The following KHDRBS3 variants were observed in gnomAD, a reference collection of about 807,000 sequenced individuals.
KHDRBS3 encodes KH RNA binding domain containing, signal transduction associated 3, also known as KH domain-containing, RNA-binding, signal transduction-associated protein 3.
Under a neutral mutation model 45.6 loss-of-function variants are expected in KHDRBS3, and 23 were observed. The ratio of observed to expected loss-of-function variants is 0.50; its 90% CI spans 0.36 to 0.72. KHDRBS3 has a LOEUF of 0.72. Among genes scored for constraint, KHDRBS3 ranks in the 30% least tolerant of loss-of-function variants. KHDRBS3 has a pLI of 0.00. For synonymous variants in KHDRBS3, 162 were observed against 156.5 expected (o/e 1.04, Z -0.26); for missense variants, 352 against 424.8 (o/e 0.83, Z 1.51).
intron 5 of KHDRBS3, among the ~76,000 whole-genome samples, chr8:135,559,179 C>A (rs536546923): frequency 1.3e-5 from 2 of 151,660 alleles, no homozygotes; most frequent in South Asian, 2.1e-4. Flanking sequence ...CTAGAAATTT[C>A]TTTTTCTAGA....
At chr8:135,619,126 G>C (rs1830035785) in intron 7 of KHDRBS3, among the ~76,000 whole-genome samples, 1 of 152,104 alleles carries the variant, frequency 6.6e-6, no homozygotes, top group Non-Finnish European at 1.5e-5. Context: ...TTTGTTCAGT[G>C]TTCTGTAAAG....
Position 135,457,911 on chromosome 8 carries a change from C to T in KHDRBS3, c.45C>T (p.Ser15=), listed in dbSNP as rs759574548. The T allele has an allele frequency of 6.2e-7, 1 of 1,603,252 alleles. No individual in the cohort carries two copies. The highest frequency in any genetic ancestry group is 1.1e-5 in the South Asian group (1 of 89,468). The stretch of plus-strand genomic sequence containing the variant: ...CCGAGCTGATGGCGGAGAAGGACTC[C>T]CTGGACCCCTCCTTCACGCACGCCC... ...YLPELMAEKD[S]LDPSFTHALR... The change falls in exon 1 of 9, where the codon TCC becomes TCT. Residue 15 remains serine, a synonymous_variant. Transcript: ENST00000355849. This position sits in a 1 kb window ranked among gnomAD's most constrained non-coding sequence, Gnocchi z 4.4.
intron 7 of KHDRBS3, among the ~76,000 whole-genome samples, chr8:135,628,655 C>T (rs1320140138): frequency 6.6e-6 from 1 of 152,066 alleles, no homozygotes; most frequent in Non-Finnish European, 1.5e-5. Flanking sequence ...CTCCACATGC[C>T]CATCATCTAG....
chr8:135,505,348 G>C (rs768511726), intron 1 of KHDRBS3, among the ~76,000 whole-genome samples: 40 of 152,178 alleles, frequency 2.6e-4, no homozygotes, highest in Non-Finnish European at 3.1e-4. Context: ...CCAAAACCTT[G>C]GCCTGTCTAC....
At chr8:135,514,505 A>G (rs1279434142) in intron 1 of KHDRBS3, among the ~76,000 whole-genome samples, 2 of 152,334 alleles carry the variant, frequency 1.3e-5, no homozygotes, top group East Asian at 3.9e-4. Flanking sequence ...TGACACAGCT[A>G]AGCAGTCACA....
chr8:135,549,644 G>A (rs1396262309), intron 4 of KHDRBS3: 4 of 152,128 alleles, frequency 2.6e-5, no homozygotes, highest in East Asian at 3.9e-4. Context: ...AAAAAGAATC[G>A]TAAAGCATCA....
Position 135,571,978 on chromosome 8 carries a change from G to A in KHDRBS3, c.612-9900G>A, listed in dbSNP as rs73712069. On this transcript the variant is annotated intron_variant, in intron 5 of 8. Transcript: ENST00000355849. ...CTTTTTTGATTACTCAAAATAATTC[G>A]ATACTAAAAACTGAATTCCTGTAGC... is the stretch of plus-strand genomic sequence containing the variant. Among the ~76,000 whole-genome samples the A allele has an allele frequency of 2.8e-3, 419 of 152,070 alleles. 2 individuals are homozygous for A. The highest frequency in any genetic ancestry group is 0.017 in the Middle Eastern group (5 of 294).
At chr8:135,524,265 G>A (rs1266707392) in intron 2 of KHDRBS3, among the ~76,000 whole-genome samples, 1 of 152,110 alleles carries the variant, frequency 6.6e-6, no homozygotes, top group Non-Finnish European at 1.5e-5. Flanking sequence ...GCCTCCCAAA[G>A]TGCTGGGATT....
chr8:135,551,372 A>C (rs1039241556), intron 4 of KHDRBS3, among the ~76,000 whole-genome samples: 2 of 152,022 alleles, frequency 1.3e-5, no homozygotes, highest in African/African-American at 4.8e-5. Flanking sequence ...ACCATTGGCT[A>C]TAGGTTTTTT....
rs572294208 is a variant in KHDRBS3 at position 135,599,250 on chromosome 8, T to A, written c.808-7705T>A. ...TCGGTGCTGTTTCGAAGCTAAAAAG[T>A]CAGACTTGATGAATAAGCAAGTCTT... is the stretch of plus-strand genomic sequence containing the variant. On this transcript the variant is annotated intron_variant, in intron 6 of 8. Transcript: ENST00000355849. 4.6e-5 allele frequency among the ~76,000 whole-genome samples: 7 copies of A among 152,354 alleles called. No homozygotes were observed. The South Asian group carries it at 1.5e-3, about 32-fold the overall frequency.
In KHDRBS3 at chr8:135,521,291, T is replaced by C; in HGVS notation, c.143T>C (p.Val48Ala). Reference protein sequence around the residue: ...EGKDEEKYIDVVINKNMKLGQ... With the variant: ...EGKDEEKYIDAVINKNMKLGQ... ...AAGGATGAAGAAAAGTACATCGATG[T>C]GGTGATTAATAAGAACATGAAGCTG... The change falls in exon 2 of 9, where the codon GTG becomes GCG. Residue 48 changes from valine (V) to alanine (A), a missense_variant. By Grantham distance (64) the Val-to-Ala change is moderately conservative. This residue lies in a region of KHDRBS3 where 58 missense variants were observed against 64.5 expected (regional missense o/e 0.90). Coordinates refer to ENST00000355849, the MANE Select transcript of KHDRBS3 (RefSeq NM_006558.3). The C allele has an allele frequency of 6.2e-7, 1 of 1,613,588 alleles. No individual in the cohort carries two copies. The highest frequency in any genetic ancestry group is 1.1e-5 in the South Asian group (1 of 91,060).
At chr8:135,546,676 C>A (rs1826320158) in intron 3 of KHDRBS3, among the ~76,000 whole-genome samples, 1 of 152,124 alleles carries the variant, frequency 6.6e-6, no homozygotes, top group African/African-American at 2.4e-5. Flanking sequence ...CTATAACAGC[C>A]TTATGAGATA....
intron 4 of KHDRBS3, chr8:135,549,912 T>C (rs185794574): frequency 1.3e-5 from 2 of 152,328 alleles, no homozygotes; most frequent in Admixed American, 1.3e-4. Context: ...GGAACTGAAA[T>C]GGCTAGTATT....
intron 1 of KHDRBS3, among the ~76,000 whole-genome samples, 182 bp from the exon 2 acceptor site, chr8:135,521,055 G>C (rs556994533): frequency 6.6e-6 from 1 of 152,252 alleles, no homozygotes; most frequent in African/African-American, 2.4e-5. Context: ...CATGATACAT[G>C]CATTTATTCC....
intron 5 of KHDRBS3, among the ~76,000 whole-genome samples, chr8:135,575,266 A>T (rs951049232): frequency 6.6e-6 from 1 of 152,216 alleles, no homozygotes; most frequent in African/African-American, 2.4e-5. Context: ...GGCTTAACCC[A>T]GTAGAAATAT....
intron 8 of KHDRBS3, among the ~76,000 whole-genome samples, chr8:135,646,674 T>C (rs759891287): frequency 3.3e-5 from 5 of 152,196 alleles, no homozygotes; most frequent in Non-Finnish European, 7.3e-5. Flanking sequence ...AAAAGGCAGT[T>C]CTCTTTGCTA....
intron 3 of KHDRBS3, 84 bp from the exon 4 acceptor site, chr8:135,548,669 GT>G: frequency 9.2e-7 from 1 of 1,090,090 alleles, no homozygotes; most frequent in Non-Finnish European, 1.2e-6. Context: ...TATTTTGGGG[GT>G]TAGTTTTTAT....
chr8:135,641,733 G>A (rs1417157938), intron 7 of KHDRBS3, among the ~76,000 whole-genome samples: 1 of 152,192 alleles, frequency 6.6e-6, no homozygotes, highest in Admixed American at 6.5e-5. Context: ...GCAGGTAAAG[G>A]CCCAGGCCTT....
At chr8:135,534,623 C>G (rs928143430) in intron 2 of KHDRBS3, among the ~76,000 whole-genome samples, 1 of 152,108 alleles carries the variant, frequency 6.6e-6, no homozygotes, top group African/African-American at 2.4e-5. Context: ...TAAAATTTGA[C>G]TTTTTGATCA....
Sources: allele counts gnomAD v4.1 joint callset (sites outside exome capture counted in the v4.1 genomes callset), GRCh38; gene constraint gnomAD v4.1.1; regional missense constraint gnomAD v4.1.1; non-coding constraint Gnocchi (gnomAD v3.1); transcripts MANE v1.5; gene names NCBI Gene and HGNC (gene_info 2026-07-23, HGNC 2026-07-21).